ZNF24: variants seen among roughly 807,000 people sequenced by gnomAD.
ZNF24 encodes zinc finger protein 24.
In ZNF24, 11 loss-of-function variants were observed where a neutral mutation model predicts 40.9. The ratio of observed to expected loss-of-function variants is 0.27; its 90% CI spans 0.17 to 0.45. The LOEUF (loss-of-function observed/expected upper bound fraction) is 0.45. Among genes scored for constraint, ZNF24 ranks in the 20% least tolerant of loss-of-function variants. The probability of loss-of-function intolerance (pLI) is 1.00; values close to 1 mark genes in which losing one functional copy is unlikely to be tolerated. For synonymous variants in ZNF24, 139 were observed against 154.7 expected (o/e 0.90, Z 0.75); for missense variants, 293 against 437.7 (o/e 0.67, Z 2.95).
chr18:35,337,960 T>C, intron 3 of ZNF24, 190 bp from the exon 4 acceptor site: 2 of 513,722 alleles, frequency 3.9e-6, no homozygotes, highest in Non-Finnish European at 6.3e-6. Flanking sequence ...CATCATGATA[T>C]AAGGGATATC....
rs1413337498 is a variant in ZNF24, at chr18:35,340,602, G to C, written c.49C>G (p.Pro17Ala). ...EEDSILIIPT[P>A]DEEEKILRVK... ...CTCAGAATTTTTTCCTCTTCATCTGGAGTTGGGATGATAAGTATTGAATCT... is the reference window on the plus strand; with the variant it reads ...CTCAGAATTTTTTCCTCTTCATCTGCAGTTGGGATGATAAGTATTGAATCT... Residue 17 changes from proline to alanine, a missense_variant, in exon 2 of 4, where the codon CCA becomes GCA. By Grantham distance (27) the Pro-to-Ala change is conservative. Coordinates refer to ENST00000261332, the MANE Select transcript of ZNF24 (RefSeq NM_006965.4). This position sits in a 1 kb window ranked among gnomAD's most constrained non-coding sequence, Gnocchi z 4.6. The C allele has an allele frequency of 6.2e-7, 1 of 1,613,942 alleles. No individual in the cohort carries two copies. Among genetic ancestry groups the C allele is most frequent in the Admixed American group, 1.7e-5 (1 of 60,000 alleles).
At chr18:35,339,727 A>T (rs878894612) in intron 3 of ZNF24, 102 bp downstream of exon 3, 1 of 1,064,612 alleles carries the variant, frequency 9.4e-7, no homozygotes. Context: ...ATATTAGATT[A>T]AGAGTGATAT....
At chr18:35,338,139 A>C in intron 3 of ZNF24, 1 of 979,226 alleles carries the variant, frequency 1.0e-6, no homozygotes. Flanking sequence ...AAATCATTAT[A>C]ATGTTCTTTT....
chr18:35,333,931 G>C lies in ZNF24; in HGVS notation c.*3301C>G, dbSNP rs1257323003. Reference sequence around the variant, plus strand: ...ATGAAAAAAGAACATCTTCAATGTGGGGGGAGAGGAGGCAAGTCTCAGTGT... The same window carrying C: ...ATGAAAAAAGAACATCTTCAATGTGCGGGGAGAGGAGGCAAGTCTCAGTGT... On this transcript the variant is annotated 3_prime_UTR_variant, in exon 4 of 4. Transcript: ENST00000261332. 2.0e-5 allele frequency: 3 copies of C among 152,196 alleles called. No individual in the cohort carries two copies. Among genetic ancestry groups the C allele is most frequent in the African/African-American group, 7.2e-5 (3 of 41,414 alleles). The allele number at this position is 152,196 out of a possible 1,614,324, so 9.4% of individuals were successfully genotyped here.
chr18:35,343,175 AACATC>A lies in ZNF24; in HGVS notation c.-84+1180_-84+1184del, dbSNP rs547156991. On this transcript the variant is annotated intron_variant, in intron 1 of 3. Coordinates refer to ENST00000261332, the MANE Select transcript of ZNF24 (RefSeq NM_006965.4). ...AATATTGAAAAGATCATATGTGAAA[AACATC>A]ACATAATTTTGAAAAATTATCTTGC... Among the ~76,000 whole-genome samples the A allele has an allele frequency of 3.7e-3, 556 of 152,326 alleles. 2 individuals are homozygous for A. Among genetic ancestry groups the A allele is most frequent in the Non-Finnish European group, 6.8e-3 (463 of 68,024 alleles).
rs1469514284 is a variant in ZNF24 at position 35,335,296 on chromosome 18, CAAACA to C, written c.*1931_*1935del. ...CCTCAGCCACAAAGAGAAAAAGACC[CAAACA>C]AAAGTCCCTACATTTTCTTGTATAA... On this transcript the variant is annotated 3_prime_UTR_variant, in exon 4 of 4. Transcript: ENST00000261332. 4 of 152,142 alleles carry C rather than the reference CAAACA, an allele frequency of 2.6e-5. No individual in the cohort carries two copies. The highest frequency in any genetic ancestry group is 9.7e-5 in the African/African-American group (4 of 41,440). The allele number at this position is 152,142 out of a possible 1,614,324, so 9.4% of individuals were successfully genotyped here.
rs1035365295 is a variant in ZNF24, at chr18:35,337,151, G to C, written c.*81C>G. ...CAGTCAATAGGGAAAAAACTATTCT[G>C]CATCATTTCATATTTTAAATTTTGT... On this transcript the variant is annotated 3_prime_UTR_variant, in exon 4 of 4. Coordinates refer to ENST00000261332, the MANE Select transcript of ZNF24 (RefSeq NM_006965.4). 8.5e-7 allele frequency: 1 copy of C among 1,181,642 alleles called. No homozygotes were observed. The highest frequency in any genetic ancestry group is 2.5e-5 in the East Asian group (1 of 39,414). 73.2% of individuals were successfully genotyped at this position (1,181,642 alleles called of 1,614,324 possible).
At chr18:35,344,123 G>A (rs1277381937) in intron 1 of ZNF24, among the ~76,000 whole-genome samples, 1 of 151,982 alleles carries the variant, frequency 6.6e-6, no homozygotes, top group East Asian at 1.9e-4. Flanking sequence ...GGGAAGGTGA[G>A]GGTCTCGGAG....
chr18:35,338,888 C>A, intron 3 of ZNF24: 1 of 1,391,494 alleles, frequency 7.2e-7, no homozygotes. Flanking sequence ...AAGAATGATA[C>A]TTCTCAAACT....
At position 35,335,085 on chromosome 18, in the gene ZNF24, A is replaced by AT. The variant is rs1304900173; in HGVS notation, c.*2146dup. 5.3e-5 allele frequency: 8 copies of AT among 152,206 alleles called. No individual in the cohort carries two copies. The highest frequency in any genetic ancestry group is 2.1e-4 in the South Asian group (1 of 4,836). The allele number at this position is 152,206 out of a possible 1,614,324, so 9.4% of individuals were successfully genotyped here. On this transcript the variant is annotated 3_prime_UTR_variant, in exon 4 of 4. Transcript: ENST00000261332. ...CGCATACGATCTTAAAAAGCATGACATAATAGCCATTGAGAGGTTGCTCCC... is the reference window on the plus strand; with the variant it reads ...CGCATACGATCTTAAAAAGCATGACATTAATAGCCATTGAGAGGTTGCTCCC...
At position 35,340,170 on chromosome 18, in the gene ZNF24, C is replaced by CA; in HGVS notation, c.420+60dup. On this transcript the variant is annotated intron_variant, in intron 2 of 3. Transcript: ENST00000261332. This position sits in a 1 kb window ranked among gnomAD's most constrained non-coding sequence, Gnocchi z 4.6. ...ACTTAGTTGAGTGGAATTAATTCAGCAGCTTTGCCTACTACCTATGCCAGT... is the reference window on the plus strand; with the variant it reads ...ACTTAGTTGAGTGGAATTAATTCAGCAAGCTTTGCCTACTACCTATGCCAGT... 1 of 1,560,304 alleles carries CA rather than the reference C, an allele frequency of 6.4e-7. No homozygotes were observed. Among genetic ancestry groups the CA allele is most frequent in the East Asian group, 2.3e-5 (1 of 44,188 alleles).
At chr18:35,339,739 A>AT in intron 3 of ZNF24, 90 bp downstream of exon 3, 1 of 1,188,356 alleles carries the variant, frequency 8.4e-7, no homozygotes, top group Non-Finnish European at 1.1e-6. Flanking sequence ...GAGTGATATG[A>AT]TCCCCCCACC....
chr18:35,335,102 G>A lies in ZNF24; in HGVS notation c.*2130C>T, dbSNP rs567136169. On this transcript the variant is annotated 3_prime_UTR_variant, in exon 4 of 4. Coordinates refer to ENST00000261332, the MANE Select transcript of ZNF24 (RefSeq NM_006965.4). ...AGCATGACATAATAGCCATTGAGAGGTTGCTCCCTTCTTACCTACTCTGAT... is the reference window on the plus strand; with the variant it reads ...AGCATGACATAATAGCCATTGAGAGATTGCTCCCTTCTTACCTACTCTGAT... 9 of 152,204 alleles carry A rather than the reference G, an allele frequency of 5.9e-5. No homozygotes were observed. Among genetic ancestry groups the A allele is most frequent in the African/African-American group, 2.2e-4 (9 of 41,528 alleles). 9.4% of individuals were successfully genotyped at this position (152,204 alleles called of 1,614,324 possible). A position where few individuals can be genotyped will look rare whatever the true frequency, so the allele number is the denominator to read the frequency against.
rs1449951889 is a variant in ZNF24 at position 35,340,112 on chromosome 18, G to C, written c.420+119C>G. 1 of 1,485,320 alleles carries C rather than the reference G, an allele frequency of 6.7e-7. No individual in the cohort carries two copies. The highest frequency in any genetic ancestry group is 9.2e-7 in the Non-Finnish European group (1 of 1,092,050). The allele number at this position is 1,485,320 out of a possible 1,614,324, so 92.0% of individuals were successfully genotyped here. On this transcript the variant is annotated intron_variant, in intron 2 of 3. Coordinates refer to ENST00000261332, the MANE Select transcript of ZNF24 (RefSeq NM_006965.4). This position sits in a 1 kb window ranked among gnomAD's most constrained non-coding sequence, Gnocchi z 4.6. ...CGGCACAGATAACAAGGAGTGGTAGGGGAATGGGGGAAAAGGCATAAACAT... is the reference window on the plus strand; with the variant it reads ...CGGCACAGATAACAAGGAGTGGTAGCGGAATGGGGGAAAAGGCATAAACAT...
rs932489694 is a variant in ZNF24 at position 35,335,267 on chromosome 18, T to G, written c.*1965A>C. On this transcript the variant is annotated 3_prime_UTR_variant, in exon 4 of 4. Coordinates refer to ENST00000261332, the MANE Select transcript of ZNF24 (RefSeq NM_006965.4). ...ACAGCTTTATTGGACACTGACTTGT[T>G]TCCCCTCAGCCACAAAGAGAAAAAG... is the stretch of plus-strand genomic sequence containing the variant. 3 of 152,166 alleles carry G rather than the reference T, an allele frequency of 2.0e-5. No individual in the cohort carries two copies. Among genetic ancestry groups the G allele is most frequent in the African/African-American group, 7.2e-5 (3 of 41,434 alleles). The allele number at this position is 152,166 out of a possible 1,614,324, so 9.4% of individuals were successfully genotyped here. A position where few individuals can be genotyped will look rare whatever the true frequency, so the allele number is the denominator to read the frequency against.
chr18:35,335,163 T>C lies in ZNF24; in HGVS notation c.*2069A>G, dbSNP rs2044894243. On this transcript the variant is annotated 3_prime_UTR_variant, in exon 4 of 4. Transcript: ENST00000261332. The stretch of plus-strand genomic sequence containing the variant: ...TGTCATTCCAGCCGTCTTCCAAATA[T>C]GCCACCTGAAAACCTACTTGGAAAG... 1 of 152,158 alleles carries C rather than the reference T, an allele frequency of 6.6e-6. No homozygotes were observed. The highest frequency in any genetic ancestry group is 6.5e-5 in the Admixed American group (1 of 15,272). The allele number at this position is 152,158 out of a possible 1,614,324, so 9.4% of individuals were successfully genotyped here.
rs1175860959 is a variant in ZNF24, at chr18:35,335,636, A to C, written c.*1596T>G. On this transcript the variant is annotated 3_prime_UTR_variant, in exon 4 of 4. Coordinates refer to ENST00000261332, the MANE Select transcript of ZNF24 (RefSeq NM_006965.4). ...AAAAAAGCCTCCTCTCATATTCTAT[A>C]TTTTAACTTCCAGAGTTTTCCACTA... is the stretch of plus-strand genomic sequence containing the variant. 1 of 152,154 alleles carries C rather than the reference A, an allele frequency of 6.6e-6. No individual in the cohort carries two copies. Among genetic ancestry groups the C allele is most frequent in the African/African-American group, 2.4e-5 (1 of 41,434 alleles). The allele number at this position is 152,154 out of a possible 1,614,324, so 9.4% of individuals were successfully genotyped here. A position where few individuals can be genotyped will look rare whatever the true frequency, so the allele number is the denominator to read the frequency against.
rs1434984251 is a variant in ZNF24 at position 35,332,698 on chromosome 18, A to G, written c.*4534T>C. 1 of 152,674 alleles carries G rather than the reference A, an allele frequency of 6.5e-6. No homozygotes were observed. Among genetic ancestry groups the G allele is most frequent in the Non-Finnish European group, 1.5e-5 (1 of 68,068 alleles). The allele number at this position is 152,674 out of a possible 1,614,324, so 9.5% of individuals were successfully genotyped here. The stretch of plus-strand genomic sequence containing the variant: ...AGGAAGCTGTGGGACTCAGGAGGCC[A>G]GGCCTGGTCACATGCTCACCTAAGC... On this transcript the variant is annotated 3_prime_UTR_variant, in exon 4 of 4. Coordinates refer to ENST00000261332, the MANE Select transcript of ZNF24 (RefSeq NM_006965.4).
intron 1 of ZNF24, among the ~76,000 whole-genome samples, chr18:35,342,861 C>T (rs2044982438): frequency 6.6e-6 from 1 of 152,150 alleles, no homozygotes; most frequent in Admixed American, 6.5e-5. Flanking sequence ...AAAAGTTTGC[C>T]AATCATGACC....
Sources: gnomAD v4.1 joint callset for allele counts (sites outside exome capture counted in the v4.1 genomes callset) on GRCh38, gnomAD v4.1.1 for gene constraint, Gnocchi (gnomAD v3.1) non-coding constraint, MANE v1.5 for transcripts, NCBI Gene and HGNC (gene_info 2026-07-23, HGNC 2026-07-21) for gene names.